ANXA8: variants seen among roughly 807,000 people sequenced by gnomAD.
The protein encoded by ANXA8 is VAC-beta.
A neutral mutation model predicts 26.8 loss-of-function variants in ANXA8; 9 were observed. The observed-to-expected ratio is 0.34, with a 90% CI of 0.20 to 0.59. ANXA8 has a LOEUF of 0.59. Among genes scored for constraint, ANXA8 ranks in the 20% least tolerant of loss-of-function variants. The pLI is 0.84. For synonymous variants in ANXA8, 39 were observed against 94.8 expected (o/e 0.41, Z 3.42); for missense variants, 83 against 238.5 (o/e 0.35, Z 4.29).
chr10:47,513,623 C>G, the ANXA8 span, among the ~76,000 whole-genome samples: 1 of 140,008 alleles, frequency 7.1e-6, no homozygotes, highest in Non-Finnish European at 1.6e-5. Context: ...ATGACATTAC[C>G]TGATTTCAAA....
the ANXA8 span, among the ~76,000 whole-genome samples, chr10:47,960,520 G>A: frequency 2.0e-5 from 3 of 149,936 alleles, no homozygotes; most frequent in African/African-American, 5.0e-5. Context: ...TGCTTTCTGA[G>A]CATTGCTTTA....
the ANXA8 span, among the ~76,000 whole-genome samples, chr10:47,606,018 T>C: frequency 6.7e-6 from 1 of 150,310 alleles, no homozygotes; most frequent in African/African-American, 2.5e-5. Context: ...AAACCACACT[T>C]TAAGCAAGAA....
the ANXA8 span, chr10:47,553,467 G>A: frequency 6.2e-6 from 1 of 161,332 alleles, no homozygotes; most frequent in Non-Finnish European, 1.4e-5. Flanking sequence ...ACCCCAGCCC[G>A]CGGCACCAAA....
the ANXA8 span, among the ~76,000 whole-genome samples, chr10:47,744,029 G>C: frequency 1.4e-5 from 2 of 147,992 alleles, no homozygotes; most frequent in South Asian, 2.1e-4. Flanking sequence ...AGACGTGCGG[G>C]GGGTAGGGAG....
the ANXA8 span, among the ~76,000 whole-genome samples, chr10:47,748,132 T>A: frequency 6.6e-6 from 1 of 151,898 alleles, no homozygotes; most frequent in African/African-American, 2.4e-5. Context: ...CTGAGAACTT[T>A]CCAAAACTGA....
chr10:47,605,671 G>T, the ANXA8 span, among the ~76,000 whole-genome samples: 1 of 147,704 alleles, frequency 6.8e-6, no homozygotes, highest in Non-Finnish European at 1.5e-5. Context: ...AAAGAAGGAA[G>T]CAGTACAATA....
the ANXA8 span, among the ~76,000 whole-genome samples, chr10:47,514,163 TCAAA>T: frequency 2.3e-4 from 33 of 143,196 alleles, no homozygotes; most frequent in Non-Finnish European, 4.0e-4. Flanking sequence ...TATGAGGAAC[TCAAA>T]CAAATTACAA....
At chr10:47,962,691 CACA>C in the ANXA8 span, among the ~76,000 whole-genome samples, 1 of 137,674 alleles carries the variant, frequency 7.3e-6, no homozygotes, top group Non-Finnish European at 1.5e-5. Flanking sequence ...TGTGCATGCA[CACA>C]AGTGTATACA....
At chr10:47,779,302 C>A in the ANXA8 span, among the ~76,000 whole-genome samples, 1 of 81,890 alleles carries the variant, frequency 1.2e-5, no homozygotes, top group Non-Finnish European at 2.3e-5. Context: ...TCCTTTAGAG[C>A]AAGAGCTGAC....
chr10:47,762,882 G>C, the ANXA8 span: 1 of 1,438,080 alleles, frequency 7.0e-7, no homozygotes, highest in African/African-American at 1.5e-5. Context: ...CGGTGGAGGG[G>C]CGCAGAGCCG....
At chr10:47,901,002 T>C in the ANXA8 span, among the ~76,000 whole-genome samples, 1 of 131,250 alleles carries the variant, frequency 7.6e-6, no homozygotes, top group African/African-American at 3.1e-5. Flanking sequence ...AAACATTGCT[T>C]TTCTAGGCTT....
chr10:47,558,529 ATGTGTGTGTGTGTGTG>A, the ANXA8 span, among the ~76,000 whole-genome samples: 12 of 141,584 alleles, frequency 8.5e-5, no homozygotes, highest in African/African-American at 2.7e-4. Flanking sequence ...GGGTTTTAAG[ATGTGTGTGTGTGTGTG>A]TGTGTGTGTG....
chr10:47,648,045 T>A, the ANXA8 span, among the ~76,000 whole-genome samples: 3,988 of 147,880 alleles, frequency 0.027, 79 homozygotes, highest in East Asian at 0.12. Context: ...GAGGGAGAGA[T>A]ATGTTCCAAC....
chr10:47,699,372 GA>G, the ANXA8 span, among the ~76,000 whole-genome samples: 1 of 126,276 alleles, frequency 7.9e-6, no homozygotes, highest in Non-Finnish European at 1.7e-5. Context: ...AAAAAAGAAA[GA>G]AGAGGCATTT....
the ANXA8 span, among the ~76,000 whole-genome samples, chr10:47,944,041 C>T: frequency 6.1e-5 from 9 of 147,436 alleles, 1 homozygote; most frequent in Admixed American, 3.3e-4. Flanking sequence ...TGGCTCGGGC[C>T]GCTATTGCAG....
At chr10:47,578,843 G>GT in the ANXA8 span, among the ~76,000 whole-genome samples, 1 of 151,994 alleles carries the variant, frequency 6.6e-6, no homozygotes, top group African/African-American at 2.4e-5. Context: ...GGGTTTTTCT[G>GT]TTTTTCTTTT....
chr10:47,606,509 T>C, the ANXA8 span, among the ~76,000 whole-genome samples: 1 of 147,884 alleles, frequency 6.8e-6, no homozygotes, highest in African/African-American at 2.6e-5. Flanking sequence ...ATAAACACCA[T>C]GGAATACTAT....
chr10:47,953,437 G>C, the ANXA8 span, among the ~76,000 whole-genome samples: 2 of 150,902 alleles, frequency 1.3e-5, no homozygotes, highest in South Asian at 4.2e-4. Context: ...TGTAAGAATC[G>C]GGAGCAACTA....
the ANXA8 span, among the ~76,000 whole-genome samples, chr10:47,702,441 A>G: frequency 6.7e-6 from 1 of 149,446 alleles, no homozygotes; most frequent in Non-Finnish European, 1.5e-5. Flanking sequence ...CCTGGGTTCT[A>G]GCAATTCTCC....
Sources: gnomAD v4.1 joint callset for allele counts (sites outside exome capture counted in the v4.1 genomes callset) on GRCh38, gnomAD v4.1.1 for gene constraint, MANE v1.5 for transcripts, NCBI Gene and HGNC (gene_info 2026-07-23, HGNC 2026-07-21) for gene names.